The following SCARB2 variants were observed in gnomAD, a reference collection of about 807,000 sequenced individuals.
SCARB2 encodes the protein lysosome membrane protein 2.
In SCARB2, 29 loss-of-function variants were observed where a neutral mutation model predicts 58.6. That is an observed-to-expected ratio of 0.49 (90% CI 0.37 to 0.67). SCARB2 has a LOEUF of 0.67. SCARB2 is among the 30% of genes least tolerant of loss of function. The pLI, the probability that SCARB2 is intolerant of heterozygous loss-of-function variation, is 0.00. For missense variants in SCARB2, 488 were observed against 578.5 expected (o/e 0.84, Z 1.60); for synonymous variants, 195 against 210.1 (o/e 0.93, Z 0.62).
intron 8 of SCARB2, among the ~76,000 whole-genome samples, chr4:76,169,642 A>T (rs979705968): frequency 1.3e-5 from 2 of 152,202 alleles, no homozygotes; most frequent in African/African-American, 4.8e-5. Flanking sequence ...GCTTTTTGTT[A>T]AAGGCAGGTT....
Position 76,179,685 on chromosome 4 carries a change from C to T in SCARB2, c.444G>A (p.Gln148=). 1 of 1,613,956 alleles carries T rather than the reference C, an allele frequency of 6.2e-7. No individual in the cohort carries two copies. The highest frequency in any genetic ancestry group is 1.1e-5 in the South Asian group (1 of 91,088). ...CGATGATCTCCCTGAGGAAGTGCAC[C>T]TGGGACCACTCTATGACAGTCTGCG... The part of the protein sequence containing the change: ...IPVLTVIEWS[Q]VHFLREIIEA... The change falls in exon 4 of 12, where the codon CAG becomes CAA. Residue 148 remains glutamine (Q), a synonymous_variant. Coordinates refer to ENST00000264896, the MANE Select transcript of SCARB2 (RefSeq NM_005506.4).
chr4:76,196,982 T>C (rs1267699290), intron 1 of SCARB2, among the ~76,000 whole-genome samples: 1 of 145,338 alleles, frequency 6.9e-6, no homozygotes, highest in Non-Finnish European at 1.5e-5. Context: ...ATAGGACCGG[T>C]GTCCTAACTG....
chr4:76,231,232 A>G (rs970782068), intron 1 of SCARB2, among the ~76,000 whole-genome samples: 15 of 152,124 alleles, frequency 9.9e-5, no homozygotes, highest in African/African-American at 3.4e-4. Flanking sequence ...CCTTGGTCTT[A>G]TTTTCCCAAA....
intron 2 of SCARB2, among the ~76,000 whole-genome samples, chr4:76,189,487 T>TGTTGTC (rs1429473100): frequency 1.3e-5 from 2 of 151,654 alleles, no homozygotes; most frequent in African/African-American, 4.9e-5. Flanking sequence ...TTGTTGTTGT[T>TGTTGTC]GTTGTTGTTG....
chr4:76,201,586 G>A (rs1732829634), intron 1 of SCARB2, among the ~76,000 whole-genome samples: 1 of 152,188 alleles, frequency 6.6e-6, no homozygotes, highest in Non-Finnish European at 1.5e-5. Flanking sequence ...ATGTAAGAAA[G>A]GTGATCTGAA....
intron 10 of SCARB2, chr4:76,164,922 TC>T (rs1222011666): frequency 2.0e-5 from 3 of 152,150 alleles, no homozygotes; most frequent in African/African-American, 7.2e-5. Flanking sequence ...GGCAACAGTC[TC>T]CAATGTCACT....
At chr4:76,184,821 A>T in intron 2 of SCARB2, 1 of 360,880 alleles carries the variant, frequency 2.8e-6, no homozygotes, top group South Asian at 2.3e-5. Flanking sequence ...AAACAAGAAA[A>T]CTCAGTAAAA....
intron 1 of SCARB2, among the ~76,000 whole-genome samples, chr4:76,231,094 AAACCGTAG>A (rs140416264): frequency 0.038 from 5,861 of 152,256 alleles, 330 homozygotes; most frequent in African/African-American, 0.12. Context: ...TGCTAAGGTG[AAACCGTAG>A]AACTGAGTCC....
chr4:76,215,268 T>C (rs1198535825), upstream of SCARB2, among the ~76,000 whole-genome samples: 1 of 152,226 alleles, frequency 6.6e-6, no homozygotes, highest in African/African-American at 2.4e-5. Flanking sequence ...CATTTTACAC[T>C]CAAGAACACT....
chr4:76,182,776 G>A (rs13117802), intron 2 of SCARB2, among the ~76,000 whole-genome samples: 9 of 152,048 alleles, frequency 5.9e-5, no homozygotes, highest in Non-Finnish European at 1.3e-4. Context: ...GTAAAAATGC[G>A]CCTCGGTGAT....
chr4:76,185,113 C>T (rs1732459430), intron 2 of SCARB2, among the ~76,000 whole-genome samples: 1 of 152,192 alleles, frequency 6.6e-6, no homozygotes, highest in South Asian at 2.1e-4. Context: ...GTGTCAGGGC[C>T]AGGTTTAGAA....
At chr4:76,171,893 A>G (rs958025342) in intron 7 of SCARB2, among the ~76,000 whole-genome samples, 6 of 152,038 alleles carry the variant, frequency 3.9e-5, no homozygotes, top group African/African-American at 9.7e-5. Flanking sequence ...AGTACTTGTT[A>G]AAAGTGTAGA....
upstream of SCARB2, among the ~76,000 whole-genome samples, chr4:76,215,396 G>T (rs116593405): frequency 2.6e-5 from 4 of 152,120 alleles, no homozygotes; most frequent in African/African-American, 7.2e-5. Flanking sequence ...TCTACTCTGC[G>T]CATTGCTGCA....
At chr4:76,179,945 C>T in intron 3 of SCARB2, 1 of 553,316 alleles carries the variant, frequency 1.8e-6, no homozygotes, top group Non-Finnish European at 3.3e-6. Flanking sequence ...CATTTGCAGG[C>T]TCTGAGTTAT....
chr4:76,174,793 G>A, intron 6 of SCARB2: 1 of 159,512 alleles, frequency 6.3e-6, no homozygotes, highest in Non-Finnish European at 1.4e-5. Context: ...TACACACTTT[G>A]ATACTCAATC....
rs1331951242 is a variant in SCARB2, at chr4:76,160,598, G to T, written c.*1115C>A. The T allele has an allele frequency of 1.1e-4, 16 of 152,194 alleles. No individual in the cohort carries two copies. Among genetic ancestry groups the T allele is most frequent in the Non-Finnish European group, 4.4e-5 (3 of 68,040 alleles). The allele number at this position is 152,194 out of a possible 1,614,324, so 9.4% of individuals were successfully genotyped here. ...TATAGGGCACACGTTTCTCTATTCA[G>T]TGAGTGACAGTGAGCTACAAAACAC... is the stretch of plus-strand genomic sequence containing the variant. On this transcript the variant is annotated 3_prime_UTR_variant, in exon 12 of 12. Coordinates refer to ENST00000264896, the MANE Select transcript of SCARB2 (RefSeq NM_005506.4).
chr4:76,194,523 C>A (rs1356983321), intron 2 of SCARB2: 3 of 152,100 alleles, frequency 2.0e-5, no homozygotes, highest in Admixed American at 2.0e-4. Flanking sequence ...AGCATGAGCA[C>A]CCAAGGCAGG....
chr4:76,168,542 G>A (rs1427573947), intron 8 of SCARB2, 66 bp from the exon 9 acceptor site: 7 of 1,334,430 alleles, frequency 5.2e-6, no homozygotes, highest in Admixed American at 1.7e-5. Context: ...TTTTTCAATA[G>A]AGCACCATTT....
chr4:76,195,730 T>C lies in SCARB2; in HGVS notation c.252A>G (p.Glu84=). ...EILRGETPRV[E]EVGPYTYREL... ...ACCTGTAGGTGTATGGCCCCACTTC[T>C]TCCACCCGAGGGGTCTCCCCTCTGA... Residue 84 remains glutamate (E), a synonymous_variant, in exon 2 of 12, where the codon GAA becomes GAG. Transcript: ENST00000264896. The C allele has an allele frequency of 2.5e-6, 4 of 1,614,034 alleles. No individual in the cohort carries two copies. Among genetic ancestry groups the C allele is most frequent in the South Asian group, 1.1e-5 (1 of 91,074 alleles).
Sources: allele counts gnomAD v4.1 joint callset (sites outside exome capture counted in the v4.1 genomes callset), GRCh38; gene constraint gnomAD v4.1.1; transcripts MANE v1.5; gene names NCBI Gene and HGNC (gene_info 2026-07-23, HGNC 2026-07-21).